Variants in CA7 observed in about 807,000 individuals in gnomAD.
CA7 encodes carbonic anhydrase 7.
Under a neutral mutation model 31.4 loss-of-function variants are expected in CA7, and 13 were observed. That is an observed-to-expected ratio of 0.41 (90% CI 0.27 to 0.66). The LOEUF (loss-of-function observed/expected upper bound fraction) is 0.66. Ranked by LOEUF, CA7 falls within the 30% of genes least tolerant of loss-of-function variation. The pLI, the probability that CA7 is intolerant of heterozygous loss-of-function variation, is 0.28. For missense variants in CA7, 215 were observed against 351.0 expected (o/e 0.61, Z 3.10); for synonymous variants, 128 against 133.2 (o/e 0.96, Z 0.27).
chr16:66,845,067 C>A (rs1233893183), intron 1 of CA7: 2 of 985,766 alleles, frequency 2.0e-6, no homozygotes, highest in Non-Finnish European at 2.4e-6. Flanking sequence ...CACTTGGGGG[C>A]GCAAGCATGT....
rs2145387807 is a variant in CA7, at chr16:66,853,661, G to C, written c.*163G>C. The C allele has an allele frequency of 2.3e-6, 2 of 865,390 alleles. No individual in the cohort carries two copies. Among genetic ancestry groups the C allele is most frequent in the East Asian group, 5.3e-5 (2 of 37,676 alleles). The allele number at this position is 865,390 out of a possible 1,614,324, so 53.6% of individuals were successfully genotyped here. ...CTGGAGGCTTCTGGATGGGACCCTT[G>C]AGTCTGGGGCACCCTTCAGCTGCCC... On this transcript the variant is annotated 3_prime_UTR_variant, in exon 7 of 7. Coordinates refer to ENST00000338437, the MANE Select transcript of CA7 (RefSeq NM_005182.3). The surrounding 1 kb of genome is among the most constrained non-coding windows in gnomAD (Gnocchi z 4.5).
At position 66,850,555 on chromosome 16, in the gene CA7, C is replaced by A. The variant is rs1961020471; in HGVS notation, c.253C>A (p.Pro85Thr). The change falls in exon 3 of 7, where the codon CCC becomes ACC. Residue 85 changes from proline (P) to threonine (T), a missense_variant. By Grantham distance (38) the Pro-to-Thr change is conservative (BLOSUM62 -1). Transcript: ENST00000338437. ...SDDRTVVTGG[P>T]LEGPYRLKQF... ...TCTACCCACAGTGGTGACTGGGGGC[C>A]CCCTGGAAGGGCCCTACCGCCTCAA... 1.9e-6 allele frequency: 3 copies of A among 1,612,468 alleles called. No homozygotes were observed. The highest frequency in any genetic ancestry group is 1.7e-5 in the Admixed American group (1 of 60,014).
At chr16:66,844,941 A>G in intron 1 of CA7, 1 of 1,009,392 alleles carries the variant, frequency 9.9e-7, no homozygotes, top group Non-Finnish European at 1.2e-6. Flanking sequence ...ACGGCAAGTG[A>G]GCGGGGACCT....
At chr16:66,848,860 C>A (rs1472306669) in intron 2 of CA7, among the ~76,000 whole-genome samples, 3 of 152,172 alleles carry the variant, frequency 2.0e-5, no homozygotes, top group Non-Finnish European at 4.4e-5. Flanking sequence ...AATTGCTTAG[C>A]CTGCAGGCTC....
intron 2 of CA7, among the ~76,000 whole-genome samples, chr16:66,848,141 C>A (rs554023619): frequency 3.3e-5 from 5 of 152,270 alleles, no homozygotes; most frequent in African/African-American, 1.2e-4. Flanking sequence ...ATGAAGGAAG[C>A]CAGACCTTTC....
intron 2 of CA7, 76 bp from the exon 3 acceptor site, chr16:66,850,465 G>A: frequency 1.2e-6 from 1 of 849,818 alleles, no homozygotes; most frequent in Non-Finnish European, 2.0e-6. Context: ...CCCTTTCCTG[G>A]GCTGCTGCCC....
chr16:66,846,773 T>C (rs1246138770), intron 1 of CA7, among the ~76,000 whole-genome samples: 1 of 152,176 alleles, frequency 6.6e-6, no homozygotes, highest in Non-Finnish European at 1.5e-5. Context: ...GCTGTTATGT[T>C]CCCTTCCATA....
rs1567505281 is a variant in CA7 at position 66,847,103 on chromosome 16, C to T, written c.114C>T (p.Ser38=). The part of the protein sequence containing the change: ...DRQSPINIIS[S]QAVYSPSLQP... The stretch of plus-strand genomic sequence containing the variant: ...AATCACCCATCAATATCATCTCCAG[C>T]CAGGCTGTGTACTCTCCCAGCCTGC... Residue 38 remains serine (S), a synonymous_variant, in exon 2 of 7, where the codon AGC becomes AGT. Transcript: ENST00000338437. The T allele has an allele frequency of 1.4e-5, 22 of 1,614,056 alleles. No individual in the cohort carries two copies. The highest frequency in any genetic ancestry group is 1.7e-5 in the Non-Finnish European group (20 of 1,180,008).
chr16:66,850,234 G>C (rs867926697), intron 2 of CA7, among the ~76,000 whole-genome samples: 3 of 152,024 alleles, frequency 2.0e-5, no homozygotes, highest in Middle Eastern at 6.8e-3. Flanking sequence ...GAGCCCATGA[G>C]TTCAAGACCA....
At chr16:66,846,555 A>C (rs1456839061) in intron 1 of CA7, among the ~76,000 whole-genome samples, 1 of 152,200 alleles carries the variant, frequency 6.6e-6, no homozygotes, top group Non-Finnish European at 1.5e-5. Context: ...TTTCTATTTC[A>C]CAAGGTGGTT....
intron 1 of CA7, chr16:66,844,845 G>A: frequency 1.0e-6 from 1 of 990,096 alleles, no homozygotes. Context: ...ACTCGCCCCG[G>A]GCGTGCGCAG....
At chr16:66,852,961 T>C in intron 6 of CA7, 94 bp downstream of exon 6, 1 of 1,156,042 alleles carries the variant, frequency 8.7e-7, no homozygotes, top group Admixed American at 2.6e-5. Flanking sequence ...CAGCCCGTGA[T>C]CCCACCTTCA....
chr16:66,853,013 G>C lies in CA7; in HGVS notation c.672+146G>C. 1 of 774,330 alleles carries C rather than the reference G, an allele frequency of 1.3e-6. No individual in the cohort carries two copies. The highest frequency in any genetic ancestry group is 2.0e-6 in the Non-Finnish European group (1 of 505,920). The allele number at this position is 774,330 out of a possible 1,614,324, so 48.0% of individuals were successfully genotyped here. On this transcript the variant is annotated intron_variant, in intron 6 of 6. Coordinates refer to ENST00000338437, the MANE Select transcript of CA7 (RefSeq NM_005182.3). The surrounding 1 kb of genome is among the most constrained non-coding windows in gnomAD (Gnocchi z 4.5). Reference sequence around the variant, plus strand: ...TTTACTAATAAATGTATAGATTCTTGGTTGGGAGTTAGCTTGATTGTTAAT... The same window carrying C: ...TTTACTAATAAATGTATAGATTCTTCGTTGGGAGTTAGCTTGATTGTTAAT...
chr16:66,853,318 G>A lies in CA7; in HGVS notation c.673-58G>A. 1 of 1,609,538 alleles carries A rather than the reference G, an allele frequency of 6.2e-7. No homozygotes were observed. ...AGGTATGCCAGATGATGCATCTGGG[G>A]TCATAGAGGACCACAGCACCCCCAA... On this transcript the variant is annotated intron_variant, in intron 6 of 6. Transcript: ENST00000338437. This position sits in a 1 kb window ranked among gnomAD's most constrained non-coding sequence, Gnocchi z 4.5.
rs1394833607 is a variant in CA7, at chr16:66,854,029, G to A, written c.*531G>A. On this transcript the variant is annotated 3_prime_UTR_variant, in exon 7 of 7. Coordinates refer to ENST00000338437, the MANE Select transcript of CA7 (RefSeq NM_005182.3). ...TCTCCCTCCAGCCACCTGCTGCCAC[G>A]GGCAGGCCCTGGCTATAGCTTATAC... 3 of 155,912 alleles carry A rather than the reference G, an allele frequency of 1.9e-5. No individual in the cohort carries two copies. The highest frequency in any genetic ancestry group is 2.0e-4 in the South Asian group (1 of 5,064). The allele number at this position is 155,912 out of a possible 1,614,324, so 9.7% of individuals were successfully genotyped here. A position where few individuals can be genotyped will look rare whatever the true frequency, so the allele number is the denominator to read the frequency against.
chr16:66,852,913 C>T (rs1961095724), intron 6 of CA7, 46 bp downstream of exon 6: 7 of 1,575,156 alleles, frequency 4.4e-6, no homozygotes, highest in Non-Finnish European at 6.1e-6. Flanking sequence ...GCACTCAGGG[C>T]TCACCCCAGG....
chr16:66,850,403 G>A, intron 2 of CA7, 138 bp from the exon 3 acceptor site: 3 of 680,184 alleles, frequency 4.4e-6, no homozygotes, highest in Non-Finnish European at 8.0e-6. Flanking sequence ...TTTGCACCAT[G>A]GCACTCCAGC....
At chr16:66,852,934 C>G in intron 6 of CA7, 67 bp downstream of exon 6, 1 of 1,421,072 alleles carries the variant, frequency 7.0e-7, no homozygotes, top group Non-Finnish European at 9.7e-7. Context: ...CAGTGTGACT[C>G]TCCAACTAGC....
intron 3 of CA7, among the ~76,000 whole-genome samples, 198 bp from the exon 4 acceptor site, chr16:66,851,265 T>C (rs887827650): frequency 1.3e-5 from 2 of 152,164 alleles, no homozygotes; most frequent in African/African-American, 2.4e-5. Flanking sequence ...CAGAAAAGAA[T>C]TGGGCCCAGA....
Sources: gnomAD v4.1 joint callset for allele counts (sites outside exome capture counted in the v4.1 genomes callset) on GRCh38, gnomAD v4.1.1 for gene constraint, Gnocchi (gnomAD v3.1) non-coding constraint, MANE v1.5 for transcripts, NCBI Gene and HGNC (gene_info 2026-07-23, HGNC 2026-07-21) for gene names.